IL2RB: variants seen among roughly 807,000 people sequenced by gnomAD.
The protein encoded by IL2RB is interleukin 2 receptor subunit beta.
Under a neutral mutation model 44.2 loss-of-function variants are expected in IL2RB, and 17 were observed. The observed-to-expected ratio is 0.38, with a 90% CI of 0.26 to 0.58. The LOEUF is 0.58. Ranked by LOEUF, IL2RB falls within the 20% of genes least tolerant of loss-of-function variation. IL2RB has a pLI of 0.63. For synonymous variants in IL2RB, 286 were observed against 297.9 expected, an observed-to-expected ratio of 0.96 and a Z score of 0.41; for missense variants, 624 against 685.5, an observed-to-expected ratio of 0.91 and a Z score of 1.00.
At chr22:37,133,361 C>T (rs935218467) in intron 8 of IL2RB, among the ~76,000 whole-genome samples, 4 of 152,116 alleles carry the variant, frequency 2.6e-5, no homozygotes, top group Admixed American at 6.5e-5. Flanking sequence ...AACGGGGCTC[C>T]GAACACTGCC....
In IL2RB at chr22:37,143,512, T is replaced by C. The variant is rs1280011938; in HGVS notation, c.203+9A>G. The C allele has an allele frequency of 1.3e-6, 2 of 1,571,704 alleles. No homozygotes were observed. The highest frequency in any genetic ancestry group is 2.7e-5 in the African/African-American group (2 of 74,034). On this transcript the variant is annotated intron_variant, in intron 3 of 9. Coordinates refer to ENST00000216223, the MANE Select transcript of IL2RB (RefSeq NM_000878.5). ...TCCTAAGATTCTGCAGTGTGGCCAG[T>C]GGACTCACCGTCTGTCCGGCCAGGC... is the stretch of plus-strand genomic sequence containing the variant.
At chr22:37,135,520 A>T in intron 7 of IL2RB, 78 bp from the exon 8 acceptor site, 1 of 856,268 alleles carries the variant, frequency 1.2e-6, no homozygotes, top group Non-Finnish European at 1.9e-6. Context: ...TCACCCCAAC[A>T]CCCCCATCCA....
intron 1 of IL2RB, among the ~76,000 whole-genome samples, chr22:37,145,381 C>T (rs957788127): frequency 4.0e-5 from 6 of 151,624 alleles, no homozygotes; most frequent in Admixed American, 6.6e-5. Context: ...AAAGTTTTCC[C>T]GGAGTGCCTA....
chr22:37,143,147 C>T (rs139599081), intron 3 of IL2RB, among the ~76,000 whole-genome samples: 19 of 152,230 alleles, frequency 1.2e-4, no homozygotes, highest in African/African-American at 4.3e-4. Flanking sequence ...TCTCAAAATC[C>T]GAGCTTATCC....
intron 1 of IL2RB, among the ~76,000 whole-genome samples, chr22:37,166,525 G>A (rs914344230): frequency 1.2e-4 from 18 of 152,196 alleles, no homozygotes; most frequent in African/African-American, 9.7e-5. Flanking sequence ...TCGGGAGCGC[G>A]TAGAGTGACA....
At chr22:37,155,945 G>A (rs573338206) in intron 1 of IL2RB, among the ~76,000 whole-genome samples, 1 of 152,272 alleles carries the variant, frequency 6.6e-6, no homozygotes, top group Admixed American at 6.5e-5. Context: ...TTTCACAGGG[G>A]CCATGGGACA....
At chr22:37,155,778 G>A (rs556915240) in intron 1 of IL2RB, among the ~76,000 whole-genome samples, 21 of 151,950 alleles carry the variant, frequency 1.4e-4, no homozygotes, top group South Asian at 6.2e-4. Context: ...CGAGCTCCAC[G>A]CCTTGCTCCT....
At chr22:37,150,007 G>C, upstream of IL2RB, 1 of 708,006 alleles carries the variant, frequency 1.4e-6, no homozygotes, top group Non-Finnish European at 1.7e-6. Flanking sequence ...GAGAGGCGGG[G>C]AGACGAGGCT....
chr22:37,165,055 C>T (rs1447651781), intron 1 of IL2RB, among the ~76,000 whole-genome samples: 1 of 152,206 alleles, frequency 6.6e-6, no homozygotes, highest in Non-Finnish European at 1.5e-5. Flanking sequence ...CCGCATGTTA[C>T]CTCAGTGAAT....
At chr22:37,133,882 C>T (rs3218314) in intron 8 of IL2RB, among the ~76,000 whole-genome samples, 5,680 of 152,298 alleles carry the variant, frequency 0.037, 340 homozygotes, top group African/African-American at 0.13. Flanking sequence ...AAGTTTCTTC[C>T]CTCCTGCCTG....
chr22:37,143,521 C>G lies in IL2RB; in HGVS notation c.203G>C (p.Arg68Pro). 6.2e-7 allele frequency: 1 copy of G among 1,600,454 alleles called. No homozygotes were observed. Among genetic ancestry groups the G allele is most frequent in the Admixed American group, 1.7e-5 (1 of 59,982 alleles). ...SCQVHAWPDR[R>P]RWNQTCELLP... is the part of the protein sequence containing the mutation. ...TCTGCAGTGTGGCCAGTGGACTCAC[C>G]GTCTGTCCGGCCAGGCATGGACTTG... Residue 68 changes from arginine (R) to proline (P), a missense_variant and splice_region_variant, in exon 3 of 10, where the codon CGG (arginine) becomes CCG (proline). By Grantham distance (103) the Arg-to-Pro change is moderately radical. Transcript: ENST00000216223.
At chr22:37,154,735 C>T (rs1236799893), upstream of IL2RB, among the ~76,000 whole-genome samples, 3 of 152,064 alleles carry the variant, frequency 2.0e-5, no homozygotes, top group Non-Finnish European at 4.4e-5. Flanking sequence ...ACCACCACAC[C>T]CAGCTAATTT....
intron 8 of IL2RB, among the ~76,000 whole-genome samples, chr22:37,134,172 T>C (rs568967787): frequency 2.0e-5 from 3 of 152,006 alleles, no homozygotes; most frequent in Admixed American, 6.5e-5. Flanking sequence ...TAAAAAATAA[T>C]ACAAATTTTT....
chr22:37,131,738 A>G (rs887606808), intron 9 of IL2RB, among the ~76,000 whole-genome samples: 3 of 150,282 alleles, frequency 2.0e-5, no homozygotes, highest in South Asian at 2.1e-4. Context: ...CAGATAGGGT[A>G]CTTTTTTTTT....
chr22:37,153,357 G>T (rs1057353803), upstream of IL2RB, among the ~76,000 whole-genome samples: 1 of 152,240 alleles, frequency 6.6e-6, no homozygotes, highest in Non-Finnish European at 1.5e-5. Context: ...AAAGCCCGCT[G>T]CTGGAAAAGA....
chr22:37,142,445 C>T lies in IL2RB; in HGVS notation c.271G>A (p.Gly91Arg), dbSNP rs773733100. ...QASWACNLIL[G>R]APDSQKLTTV... ...GGTGGGCTACTCACATCTGGGGCTC[C>T]GAGGATCAGGTTGCAGGCCCAGGAT... Residue 91 changes from glycine (G) to arginine (R), a missense_variant, in exon 4 of 10, where the codon GGA becomes AGA. Gly to Arg is a moderately radical substitution (Grantham distance 125). Coordinates refer to ENST00000216223, the MANE Select transcript of IL2RB (RefSeq NM_000878.5). 1.9e-6 allele frequency: 3 copies of T among 1,614,142 alleles called. No individual in the cohort carries two copies. Among genetic ancestry groups the T allele is most frequent in the Non-Finnish European group, 2.5e-6 (3 of 1,179,972 alleles).
chr22:37,174,565 C>T (rs568630406), intron 1 of IL2RB, among the ~76,000 whole-genome samples: 14 of 152,316 alleles, frequency 9.2e-5, no homozygotes, highest in South Asian at 8.3e-4. Flanking sequence ...AAACCGGTTA[C>T]GTCATTCTTC....
chr22:37,129,269 G>A lies in IL2RB; in HGVS notation c.904-421C>T, dbSNP rs540474528. Among the ~76,000 whole-genome samples the A allele has an allele frequency of 8.5e-5, 13 of 152,342 alleles. No individual in the cohort carries two copies. The South Asian group carries it at 2.7e-3, about 32-fold the overall frequency. ...CGATCCACCCATGCCAAAGCAGAAG[G>A]GCACTGAGAGTACAGCCTGTTCACC... is the stretch of plus-strand genomic sequence containing the variant. On this transcript the variant is annotated intron_variant, in intron 9 of 9. Coordinates refer to ENST00000216223, the MANE Select transcript of IL2RB (RefSeq NM_000878.5).
intron 1 of IL2RB, among the ~76,000 whole-genome samples, chr22:37,169,286 TTC>T (rs1382406731): frequency 2.7e-5 from 4 of 148,016 alleles, no homozygotes; most frequent in African/African-American, 1.1e-4. Context: ...TACAGATGGA[TTC>T]TGTTTACAGA....
Sources: gnomAD v4.1 joint callset for allele counts (sites outside exome capture counted in the v4.1 genomes callset) on GRCh38, gnomAD v4.1.1 for gene constraint, MANE v1.5 for transcripts, NCBI Gene and HGNC (gene_info 2026-07-23, HGNC 2026-07-21) for gene names.